IRAK2: variants seen among roughly 807,000 people sequenced by gnomAD.
IRAK2 encodes the protein interleukin 1 receptor associated kinase 2.
In IRAK2, 57 loss-of-function variants were observed where a neutral mutation model predicts 72.0. That is an observed-to-expected ratio of 0.79 (90% CI 0.64 to 0.99). The LOEUF (loss-of-function observed/expected upper bound fraction) is 0.99. IRAK2 is among the 50% of genes least tolerant of loss of function. The pLI is 0.00. For missense variants in IRAK2, 790 were observed against 794.4 expected (o/e 0.99, Z 0.07); for synonymous variants, 293 against 312.7 (o/e 0.94, Z 0.67).
chr3:10,237,593 G>A (rs935128176), intron 11 of IRAK2, among the ~76,000 whole-genome samples: 5 of 152,060 alleles, frequency 3.3e-5, no homozygotes, highest in Non-Finnish European at 5.9e-5. Context: ...GGATCACGAG[G>A]TCAGGAGATC....
intron 7 of IRAK2, among the ~76,000 whole-genome samples, chr3:10,218,500 C>A (rs1697640475): frequency 6.6e-6 from 1 of 150,826 alleles, no homozygotes; most frequent in Non-Finnish European, 1.5e-5. Context: ...ACAGTGGGAG[C>A]AAATGAGAGG....
At chr3:10,222,591 A>T in intron 8 of IRAK2, 45 bp from the exon 9 acceptor site, 1 of 1,535,190 alleles carries the variant, frequency 6.5e-7, no homozygotes, top group Non-Finnish European at 9.0e-7. Flanking sequence ...ACTTGTTGTT[A>T]TCCAGCTCAA....
intron 1 of IRAK2, among the ~76,000 whole-genome samples, chr3:10,176,152 A>G (rs1696872865): frequency 7.5e-6 from 1 of 133,568 alleles, no homozygotes; most frequent in Non-Finnish European, 1.6e-5. Flanking sequence ...TTTTATTGTT[A>G]CTAGTGGTAG....
intron 8 of IRAK2, among the ~76,000 whole-genome samples, chr3:10,222,267 G>A (rs776303327): frequency 8.5e-5 from 13 of 152,146 alleles, no homozygotes; most frequent in Non-Finnish European, 1.8e-4. Flanking sequence ...ACTTAGACCT[G>A]AGTCAGCCAG....
At chr3:10,209,894 T>C (rs1278405666) in intron 4 of IRAK2, among the ~76,000 whole-genome samples, 1 of 152,098 alleles carries the variant, frequency 6.6e-6, no homozygotes, top group Non-Finnish European at 1.5e-5. Flanking sequence ...GGCACTTCAG[T>C]GAATATACTT....
At chr3:10,192,228 A>G (rs1177077002) in intron 2 of IRAK2, among the ~76,000 whole-genome samples, 2 of 152,212 alleles carry the variant, frequency 1.3e-5, no homozygotes, top group African/African-American at 2.4e-5. Context: ...GAAGGGATCT[A>G]TTCTGGCCAC....
chr3:10,213,442 G>C, intron 5 of IRAK2, 41 bp downstream of exon 5: 2 of 1,612,230 alleles, frequency 1.2e-6, no homozygotes, highest in Non-Finnish European at 1.7e-6. Flanking sequence ...GAGGCTGCAG[G>C]GGTGGGGCGG....
intron 10 of IRAK2, among the ~76,000 whole-genome samples, chr3:10,231,687 A>C (rs1407351864): frequency 6.6e-6 from 1 of 152,082 alleles, no homozygotes; most frequent in Non-Finnish European, 1.5e-5. Flanking sequence ...TTTTTAAAAA[A>C]AAATTTTATG....
At chr3:10,169,506 G>A (rs939782428) in intron 1 of IRAK2, among the ~76,000 whole-genome samples, 1 of 152,116 alleles carries the variant, frequency 6.6e-6, no homozygotes, top group African/African-American at 2.4e-5. Context: ...AGAATTCAGC[G>A]ATATTTCTCC....
At chr3:10,236,123 G>A (rs1204135067) in intron 11 of IRAK2, among the ~76,000 whole-genome samples, 1 of 152,030 alleles carries the variant, frequency 6.6e-6, no homozygotes, top group African/African-American at 2.4e-5. Context: ...TGAGGAAGGG[G>A]GGTTTAAGCA....
At chr3:10,207,724 G>A (rs1697452826) in intron 3 of IRAK2, among the ~76,000 whole-genome samples, 1 of 152,200 alleles carries the variant, frequency 6.6e-6, no homozygotes, top group African/African-American at 2.4e-5. Flanking sequence ...CAAGCATGGT[G>A]GCTCACGCCT....
In IRAK2 at chr3:10,239,247, C is replaced by T. The variant is rs146386521; in HGVS notation, c.1765+208C>T. Among the ~76,000 whole-genome samples, 574 of 152,314 alleles carry T rather than the reference C, an allele frequency of 3.8e-3. 4 individuals are homozygous for T. Among genetic ancestry groups the T allele is most frequent in the African/African-American group, 0.013 (547 of 41,582 alleles). ...GACTGTGTCCGGTTAATCACCCAGT[C>T]CTGTCCATTGGCCTCCAAAATCTCT... On this transcript the variant is annotated intron_variant, in intron 12 of 12. Transcript: ENST00000256458.
intron 12 of IRAK2, 72 bp from the exon 13 acceptor site, chr3:10,242,044 A>T: frequency 1.2e-6 from 1 of 868,200 alleles, no homozygotes; most frequent in Non-Finnish European, 1.9e-6. Flanking sequence ...ACCTGATTTA[A>T]GTGACTTTAA....
chr3:10,233,189 A>G (rs775487539), intron 10 of IRAK2, among the ~76,000 whole-genome samples: 2 of 152,044 alleles, frequency 1.3e-5, no homozygotes, highest in Non-Finnish European at 2.9e-5. Context: ...ACCTGGGACT[A>G]TAGGCACGCA....
At chr3:10,213,178 A>C (rs746818078) in intron 4 of IRAK2, 29 bp from the exon 5 acceptor site, 1 of 1,594,576 alleles carries the variant, frequency 6.3e-7, no homozygotes, top group Non-Finnish European at 8.6e-7. Context: ...TTCCATAGTA[A>C]TCTCCATCTC....
At chr3:10,168,293 C>G (rs930211666) in intron 1 of IRAK2, among the ~76,000 whole-genome samples, 1 of 151,528 alleles carries the variant, frequency 6.6e-6, no homozygotes. Context: ...TCGCTGCAAC[C>G]TTAGCCTCCT....
chr3:10,200,307 G>A, intron 2 of IRAK2, 62 bp from the exon 3 acceptor site: 2 of 1,424,512 alleles, frequency 1.4e-6, no homozygotes, highest in Non-Finnish European at 1.9e-6. Flanking sequence ...TCCAGAACCA[G>A]TCTCTCAATG....
At chr3:10,194,020 G>C (rs554815641) in intron 2 of IRAK2, among the ~76,000 whole-genome samples, 2 of 152,280 alleles carry the variant, frequency 1.3e-5, no homozygotes, top group Admixed American at 1.3e-4. Flanking sequence ...TTTTCTATCT[G>C]CACCTTTCTG....
In IRAK2 at chr3:10,200,367, A is replaced by C; in HGVS notation, c.278-2A>C. ...ATAACTTTCTTTCCACCTTGTTTTCAGGGAAACCGGCTCCTGAAATCAGGT... is the reference window on the plus strand; with the variant it reads ...ATAACTTTCTTTCCACCTTGTTTTCCGGGAAACCGGCTCCTGAAATCAGGT... On this transcript the variant is annotated splice_acceptor_variant, in intron 2 of 12. Transcript: ENST00000256458. LOFTEE classifies it high-confidence loss of function. 6.3e-7 allele frequency: 1 copy of C among 1,580,042 alleles called. No homozygotes were observed. Among genetic ancestry groups the C allele is most frequent in the Non-Finnish European group, 8.6e-7 (1 of 1,159,688 alleles).
Sources: allele counts gnomAD v4.1 joint callset (sites outside exome capture counted in the v4.1 genomes callset), GRCh38; gene constraint gnomAD v4.1.1; transcripts MANE v1.5; gene names NCBI Gene and HGNC (gene_info 2026-07-23, HGNC 2026-07-21).